Variants in SOX13 observed in about 807,000 individuals in gnomAD.
SOX13 encodes transcription factor SOX-13.
SOX13 carries 28 observed loss-of-function variants against 71.8 expected under a neutral mutation model. That is an observed-to-expected ratio of 0.39 (90% CI 0.29 to 0.53). The LOEUF (loss-of-function observed/expected upper bound fraction) is 0.53. SOX13 is among the 20% of genes least tolerant of loss of function. The pLI, the probability that SOX13 is intolerant of heterozygous loss-of-function variation, is 0.70. For missense variants in SOX13, 627 were observed against 810.3 expected (o/e 0.77, Z 2.75); for synonymous variants, 309 against 317.8 (o/e 0.97, Z 0.29).
intron 1 of SOX13, among the ~76,000 whole-genome samples, chr1:204,090,686 C>T (rs1161263186): frequency 1.3e-5 from 2 of 152,202 alleles, no homozygotes; most frequent in Non-Finnish European, 2.9e-5. Flanking sequence ...GCTGGGATTA[C>T]AGGTGTGAGC....
intron 2 of SOX13, 33 bp downstream of exon 2, chr1:204,113,167 C>T: frequency 2.0e-6 from 3 of 1,473,114 alleles, no homozygotes; most frequent in Non-Finnish European, 2.7e-6. Flanking sequence ...CATCCTCACA[C>T]CCATGCGCTG....
Position 204,112,973 on chromosome 1 carries a change from G to A in SOX13, c.58G>A (p.Val20Met), listed in dbSNP as rs780800965. The change falls in exon 2 of 14, where the codon GTG (valine) becomes ATG (methionine). Residue 20 changes from valine to methionine, a missense_variant. Val to Met is a conservative substitution (Grantham distance 21). This residue lies in a region of SOX13 where 447 missense variants were observed against 532.2 expected (regional missense o/e 0.84). Coordinates refer to ENST00000367204, the MANE Select transcript of SOX13 (RefSeq NM_005686.3). ...GGCCCTGGATGGCGTTGGCACCATG[G>A]TGAACTGCACCATCAAGTCAGAGGA... ...QLALDGVGTMVNCTIKSEEKK... is the reference protein window; with the variant it reads ...QLALDGVGTMMNCTIKSEEKK... The A allele has an allele frequency of 6.2e-7, 1 of 1,613,698 alleles. No individual in the cohort carries two copies. Among genetic ancestry groups the A allele is most frequent in the Non-Finnish European group, 8.5e-7 (1 of 1,179,874 alleles).
At chr1:204,091,109 CT>C (rs1656132665) in intron 1 of SOX13, among the ~76,000 whole-genome samples, 1 of 152,248 alleles carries the variant, frequency 6.6e-6, no homozygotes, top group African/African-American at 2.4e-5. Flanking sequence ...CAACAGAACA[CT>C]GTTCTTTTCC....
At chr1:204,079,589 C>T (rs1044333368) in intron 1 of SOX13, among the ~76,000 whole-genome samples, 18 of 152,056 alleles carry the variant, frequency 1.2e-4, no homozygotes, top group Admixed American at 5.9e-4. Flanking sequence ...TCAGGTGATC[C>T]GCCCACCTCA....
chr1:204,086,906 A>C (rs768403138), intron 1 of SOX13, among the ~76,000 whole-genome samples: 1 of 139,652 alleles, frequency 7.2e-6, no homozygotes, highest in African/African-American at 2.7e-5. Flanking sequence ...TGTAACAAGG[A>C]GACAATGGTC....
chr1:204,090,758 C>T (rs953354395), intron 1 of SOX13, among the ~76,000 whole-genome samples: 7 of 152,154 alleles, frequency 4.6e-5, no homozygotes, highest in Non-Finnish European at 1.0e-4. Flanking sequence ...AACTCAAATT[C>T]GATTCAGCAC....
chr1:204,096,327 C>A (rs1656252150), intron 1 of SOX13, among the ~76,000 whole-genome samples: 1 of 144,540 alleles, frequency 6.9e-6, no homozygotes, highest in Non-Finnish European at 1.5e-5. Context: ...GCGGCATCAA[C>A]CTCCTGGGCT....
intron 1 of SOX13, among the ~76,000 whole-genome samples, chr1:204,099,627 G>T (rs1248075414): frequency 6.6e-6 from 1 of 151,698 alleles, no homozygotes; most frequent in Non-Finnish European, 1.5e-5. Flanking sequence ...TGCCCAGGCT[G>T]GTCTTGAACT....
chr1:204,100,291 T>C (rs1474896796), intron 1 of SOX13, among the ~76,000 whole-genome samples: 1 of 152,246 alleles, frequency 6.6e-6, no homozygotes. Context: ...TAAATAGTCT[T>C]GAATGTCACC....
At chr1:204,091,733 CGT>C (rs4018610) in intron 1 of SOX13, among the ~76,000 whole-genome samples, 29,796 of 150,228 alleles carry the variant, frequency 0.2, 3,260 homozygotes, top group African/African-American at 0.27. Flanking sequence ...TGTGCGTGTG[CGT>C]GTGTGTGTGT....
At chr1:204,092,035 C>CT (rs139938318) in intron 1 of SOX13, among the ~76,000 whole-genome samples, 3,023 of 151,992 alleles carry the variant, frequency 0.02, 97 homozygotes, top group African/African-American at 0.067. Flanking sequence ...GTCTCTTTCA[C>CT]TTTTTTTCTC....
intron 1 of SOX13, among the ~76,000 whole-genome samples, chr1:204,086,307 A>AT (rs1656017068): frequency 6.6e-6 from 1 of 151,978 alleles, no homozygotes; most frequent in Admixed American, 6.5e-5. Flanking sequence ...TTTTTAAAAA[A>AT]TTTTTTTTGT....
At chr1:204,078,711 C>T (rs953171519) in intron 1 of SOX13, among the ~76,000 whole-genome samples, 1 of 152,116 alleles carries the variant, frequency 6.6e-6, no homozygotes, top group Non-Finnish European at 1.5e-5. Context: ...CTCCCTGCCC[C>T]GAAGCAGGAA....
At chr1:204,095,593 C>T (rs1656237247) in intron 1 of SOX13, among the ~76,000 whole-genome samples, 1 of 152,170 alleles carries the variant, frequency 6.6e-6, no homozygotes, top group Admixed American at 6.5e-5. Context: ...CGCCTCTGTC[C>T]ATCTGCAGAT....
Position 204,081,255 on chromosome 1 carries a change from T to C in SOX13, c.-2+7544T>C, listed in dbSNP as rs1459350570. Among the ~76,000 whole-genome samples the C allele has an allele frequency of 6.6e-6, 1 of 152,152 alleles. No homozygotes were observed. Among genetic ancestry groups the C allele is most frequent in the East Asian group, 1.9e-4 (1 of 5,198 alleles). On this transcript the variant is annotated intron_variant, in intron 1 of 13. Coordinates refer to ENST00000367204, the MANE Select transcript of SOX13 (RefSeq NM_005686.3). The surrounding 1 kb of genome is among the most constrained non-coding windows in gnomAD (Gnocchi z 4.3). The stretch of plus-strand genomic sequence containing the variant: ...TTTAAAGATCGTGGCTCATATTCGT[T>C]TTCTTATTTCTGTAGTCTCTAAGAG...
intron 1 of SOX13, among the ~76,000 whole-genome samples, chr1:204,080,906 C>CT (rs1180508830): frequency 0.048 from 5,921 of 122,732 alleles, 394 homozygotes; most frequent in African/African-American, 0.13. Flanking sequence ...CCTTTGTTGA[C>CT]TTTTTTTTTT....
intron 4 of SOX13, 135 bp downstream of exon 4, chr1:204,114,740 G>T: frequency 1.4e-6 from 1 of 699,778 alleles, no homozygotes. Context: ...CCTGGCCTTA[G>T]GGGTCATCAC....
chr1:204,097,708 A>T (rs111902467), intron 1 of SOX13, among the ~76,000 whole-genome samples: 2 of 150,610 alleles, frequency 1.3e-5, no homozygotes, highest in South Asian at 2.1e-4. Flanking sequence ...AAAAAAAAAA[A>T]GAAAAGAAAA....
chr1:204,098,122 A>G (rs562397480), intron 1 of SOX13, among the ~76,000 whole-genome samples: 2 of 152,272 alleles, frequency 1.3e-5, no homozygotes, highest in Non-Finnish European at 2.9e-5. Flanking sequence ...CGACCTTCCA[A>G]AGTGCTGGGA....
Sources: gnomAD v4.1 joint callset for allele counts (sites outside exome capture counted in the v4.1 genomes callset) on GRCh38, gnomAD v4.1.1 for gene constraint, gnomAD v4.1.1 regional missense constraint, Gnocchi (gnomAD v3.1) non-coding constraint, MANE v1.5 for transcripts, NCBI Gene and HGNC (gene_info 2026-07-23, HGNC 2026-07-21) for gene names.